The following GHR variants were observed in gnomAD, a reference collection of about 807,000 sequenced individuals.
GHR encodes GH receptor.
Under a neutral mutation model 67.1 loss-of-function variants are expected in GHR, and 35 were observed. The ratio of observed to expected loss-of-function variants is 0.52; its 90% CI spans 0.40 to 0.69. GHR has a LOEUF of 0.69. Among genes scored for constraint, GHR ranks in the 30% least tolerant of loss-of-function variants. GHR has a pLI of 0.00. For synonymous variants in GHR, 272 were observed against 269.1 expected, an observed-to-expected ratio of 1.01 and a Z score of -0.10; for missense variants, 792 against 764.6, an observed-to-expected ratio of 1.04 and a Z score of -0.42.
In GHR at chr5:42,479,677, G is replaced by T. The variant is rs560379509; in HGVS notation, c.-12+55722G>T. On this transcript the variant is annotated intron_variant, in intron 1 of 9. Transcript: ENST00000230882. ...GATTTTCTAGTTTATTTGCGTAAAGGTGTTTATAGTATTCTCTGATGGTAG... is the reference window on the plus strand; with the variant it reads ...GATTTTCTAGTTTATTTGCGTAAAGTTGTTTATAGTATTCTCTGATGGTAG... Among the ~76,000 whole-genome samples the T allele has an allele frequency of 5.9e-5, 9 of 152,304 alleles. No homozygotes were observed. The South Asian group carries it at 1.9e-3, about 32-fold the overall frequency.
intron 1 of GHR, chr5:42,467,311 C>T: frequency 9.1e-7 from 1 of 1,096,922 alleles, no homozygotes; most frequent in Non-Finnish European, 1.4e-6. Flanking sequence ...TGGCTTCTCA[C>T]CAGTATGGCT....
rs541428008 is a variant in GHR at position 42,506,332 on chromosome 5, A to T, written c.-11-59532A>T. Among the ~76,000 whole-genome samples, 15 of 152,326 alleles carry T rather than the reference A, an allele frequency of 9.8e-5. No individual in the cohort carries two copies. In the South Asian group the frequency reaches 2.7e-3, roughly 27 times the overall value. On this transcript the variant is annotated intron_variant, in intron 1 of 9. Transcript: ENST00000230882. ...TGAGGATGTCTTCCAAGGGAAATAAATATTTTTTCTATATTTCTGATGGTA... is the reference window on the plus strand; with the variant it reads ...TGAGGATGTCTTCCAAGGGAAATAATTATTTTTTCTATATTTCTGATGGTA...
chr5:42,576,119 A>AAAATAAAAT (rs1750708271), intron 2 of GHR, among the ~76,000 whole-genome samples: 2 of 102,582 alleles, frequency 1.9e-5, no homozygotes, highest in Non-Finnish European at 4.0e-5. Flanking sequence ...AAAATAAAAT[A>AAAATAAAAT]AAATAAAATA....
chr5:42,673,188 C>CA (rs1296583905), intron 3 of GHR, among the ~76,000 whole-genome samples: 1 of 151,964 alleles, frequency 6.6e-6, no homozygotes, highest in Non-Finnish European at 1.5e-5. Context: ...CAGAGAAATG[C>CA]AAATCAAAAC....
intron 1 of GHR, among the ~76,000 whole-genome samples, chr5:42,437,812 T>G (rs986056169): frequency 6.7e-6 from 1 of 149,940 alleles, no homozygotes; most frequent in African/African-American, 2.5e-5. Context: ...CACCTCAGCC[T>G]CTCCAAGTGC....
At chr5:42,516,961 C>T (rs77033483) in intron 1 of GHR, among the ~76,000 whole-genome samples, 1 of 152,242 alleles carries the variant, frequency 6.6e-6, no homozygotes, top group East Asian at 1.9e-4. Context: ...CTAAGGATGT[C>T]AGTGTAGATT....
At chr5:42,467,751 C>T in intron 1 of GHR, 1 of 1,553,152 alleles carries the variant, frequency 6.4e-7, no homozygotes, top group African/African-American at 1.4e-5. Flanking sequence ...TTCTCTGATG[C>T]ACAACGAGGT....
intron 1 of GHR, among the ~76,000 whole-genome samples, chr5:42,492,617 G>A (rs1028881947): frequency 2.0e-5 from 3 of 152,190 alleles, no homozygotes; most frequent in African/African-American, 2.4e-5. Context: ...TAATTAACTA[G>A]TGGTAGATTC....
chr5:42,664,797 G>A (rs1193140060), intron 3 of GHR, among the ~76,000 whole-genome samples: 2 of 152,160 alleles, frequency 1.3e-5, no homozygotes, highest in African/African-American at 4.8e-5. Context: ...TACCATCAGA[G>A]TGAACAGGCA....
chr5:42,696,511 C>A (rs1244098641), intron 5 of GHR, among the ~76,000 whole-genome samples: 1 of 152,134 alleles, frequency 6.6e-6, no homozygotes, highest in Non-Finnish European at 1.5e-5. Flanking sequence ...TTGTCAGGTA[C>A]CACAGTGGAC....
At chr5:42,507,306 A>G (rs1746820851) in intron 1 of GHR, among the ~76,000 whole-genome samples, 1 of 152,242 alleles carries the variant, frequency 6.6e-6, no homozygotes, top group African/African-American at 2.4e-5. Flanking sequence ...TGAAAAAACT[A>G]TTTGCAGAGC....
At chr5:42,510,610 T>C (rs1420466706) in intron 1 of GHR, among the ~76,000 whole-genome samples, 1 of 152,204 alleles carries the variant, frequency 6.6e-6, no homozygotes, top group Non-Finnish European at 1.5e-5. Flanking sequence ...ACCAAAGCAA[T>C]AATAGATACC....
intron 1 of GHR, among the ~76,000 whole-genome samples, chr5:42,506,246 T>TAA (rs1746772537): frequency 1.3e-5 from 2 of 152,194 alleles, no homozygotes; most frequent in African/African-American, 4.8e-5. Context: ...TAAATATATT[T>TAA]AATGTGGAAT....
intron 6 of GHR, among the ~76,000 whole-genome samples, chr5:42,710,783 G>T (rs1324955730): frequency 6.6e-6 from 1 of 152,110 alleles, no homozygotes; most frequent in Non-Finnish European, 1.5e-5. Flanking sequence ...TATACAACTT[G>T]CTATGGCTAC....
chr5:42,552,608 T>A lies in GHR; in HGVS notation c.-11-13256T>A, dbSNP rs146034047. On this transcript the variant is annotated intron_variant, in intron 1 of 9. Coordinates refer to ENST00000230882, the MANE Select transcript of GHR (RefSeq NM_000163.5). ...GGGGCCTGATTTATCTTAGCCAAAC[T>A]TAAGAGATGAGCCAATACACCAAAA... 4.7e-4 allele frequency among the ~76,000 whole-genome samples: 72 copies of A among 152,218 alleles called. 2 individuals carry two copies. The East Asian group carries it at 0.011, about 24-fold the overall frequency.
At chr5:42,661,264 A>G (rs1172256912) in intron 3 of GHR, among the ~76,000 whole-genome samples, 1 of 152,214 alleles carries the variant, frequency 6.6e-6, no homozygotes, top group Non-Finnish European at 1.5e-5. Flanking sequence ...CGCCACAAAG[A>G]TATTCCTCGA....
intron 1 of GHR, among the ~76,000 whole-genome samples, chr5:42,512,267 T>C (rs1378330962): frequency 6.6e-6 from 1 of 151,648 alleles, no homozygotes; most frequent in Non-Finnish European, 1.5e-5. Flanking sequence ...AGGCAGAGAA[T>C]GGTGGGGGGA....
rs1742769325 is a variant in GHR, at chr5:42,424,680, G to C, written c.-12+725G>C. 7.7e-7 allele frequency: 1 copy of C among 1,306,274 alleles called. No individual in the cohort carries two copies. The highest frequency in any genetic ancestry group is 1.1e-6 in the Non-Finnish European group (1 of 937,142). The allele number at this position is 1,306,274 out of a possible 1,614,324, so 80.9% of individuals were successfully genotyped here. ...TAAAATCAACCAGGCTTAAAGTTTTGACAGAACTGCCAGAGGCTGCGGGTC... is the reference window on the plus strand; with the variant it reads ...TAAAATCAACCAGGCTTAAAGTTTTCACAGAACTGCCAGAGGCTGCGGGTC... On this transcript the variant is annotated intron_variant, in intron 1 of 9. Transcript: ENST00000230882. The surrounding 1 kb of genome is among the most constrained non-coding windows in gnomAD (Gnocchi z 4.1).
intron 2 of GHR, among the ~76,000 whole-genome samples, chr5:42,576,099 T>TAAAATAAAATAAAATAAAAA (rs11400007): frequency 2.9e-5 from 2 of 69,208 alleles, no homozygotes; most frequent in Admixed American, 1.6e-4. Flanking sequence ...TAAAATAAAA[T>TAAAATAAAATAAAATAAAAA]AAATAAAATA....
Sources: gnomAD v4.1 joint callset for allele counts (sites outside exome capture counted in the v4.1 genomes callset) on GRCh38, gnomAD v4.1.1 for gene constraint, Gnocchi (gnomAD v3.1) non-coding constraint, MANE v1.5 for transcripts, NCBI Gene and HGNC (gene_info 2026-07-23, HGNC 2026-07-21) for gene names.